Variants in RNGTT observed in about 807,000 individuals in gnomAD.
RNGTT encodes mRNA-capping enzyme.
RNGTT carries 33 observed loss-of-function variants against 79.3 expected under a neutral mutation model. The observed-to-expected ratio is 0.42, with a 90% CI of 0.32 to 0.56. RNGTT has a LOEUF of 0.56. Ranked by LOEUF, RNGTT falls within the 20% of genes least tolerant of loss-of-function variation. RNGTT has a pLI of 0.17. For missense variants in RNGTT, 497 were observed against 739.1 expected (o/e 0.67, Z 3.80); for synonymous variants, 222 against 235.9 (o/e 0.94, Z 0.54).
intron 14 of RNGTT, among the ~76,000 whole-genome samples, chr6:88,637,382 G>T (rs531276005): frequency 7.2e-5 from 11 of 152,154 alleles, no homozygotes; most frequent in South Asian, 2.1e-4. Flanking sequence ...TCATTCTGTT[G>T]TTCCAGTTCA....
intron 6 of RNGTT, among the ~76,000 whole-genome samples, chr6:88,892,682 T>C (rs77495437): frequency 0.019 from 2,817 of 152,176 alleles, 78 homozygotes; most frequent in African/African-American, 0.064. Flanking sequence ...GCTACAGTTC[T>C]TTTAAGGTCC....
intron 11 of RNGTT, among the ~76,000 whole-genome samples, chr6:88,806,968 T>C (rs1346372559): frequency 6.6e-6 from 1 of 152,154 alleles, no homozygotes; most frequent in African/African-American, 2.4e-5. Context: ...GAAGCCATTA[T>C]CCTCGGCAAA....
At chr6:88,718,355 C>A (rs1470355351) in intron 13 of RNGTT, among the ~76,000 whole-genome samples, 3 of 150,646 alleles carry the variant, frequency 2.0e-5, no homozygotes, top group Non-Finnish European at 4.4e-5. Flanking sequence ...CCACTGCACT[C>A]CGGCCTAGGC....
At chr6:88,785,371 C>T (rs1442558141) in intron 12 of RNGTT, among the ~76,000 whole-genome samples, 4 of 151,560 alleles carry the variant, frequency 2.6e-5, no homozygotes, top group African/African-American at 7.3e-5. Context: ...GTTTATTTTG[C>T]CAACAAAATT....
chr6:88,954,098 A>G (rs1172524805), intron 1 of RNGTT, among the ~76,000 whole-genome samples: 1 of 152,230 alleles, frequency 6.6e-6, no homozygotes, highest in Non-Finnish European at 1.5e-5. Flanking sequence ...TTAGGCAACA[A>G]CTAGCATTAT....
At chr6:88,751,856 A>G (rs1051205730) in intron 13 of RNGTT, among the ~76,000 whole-genome samples, 4 of 152,108 alleles carry the variant, frequency 2.6e-5, no homozygotes, top group Admixed American at 2.6e-4. Flanking sequence ...TAATAAAATC[A>G]AAATCAACCA....
intron 12 of RNGTT, among the ~76,000 whole-genome samples, chr6:88,778,376 G>T (rs1778958775): frequency 6.6e-6 from 1 of 151,902 alleles, no homozygotes; most frequent in Non-Finnish European, 1.5e-5. Flanking sequence ...ATTATGGAGG[G>T]TGGGGCCATA....
intron 13 of RNGTT, among the ~76,000 whole-genome samples, chr6:88,742,248 G>T (rs924837002): frequency 6.6e-6 from 1 of 152,170 alleles, no homozygotes; most frequent in African/African-American, 2.4e-5. Context: ...AGGAGGGAAG[G>T]TCAATAGCCC....
At chr6:88,938,829 T>C (rs1682258695) in intron 2 of RNGTT, among the ~76,000 whole-genome samples, 1 of 152,220 alleles carries the variant, frequency 6.6e-6, no homozygotes, top group Admixed American at 6.5e-5. Context: ...CCCTCAGCTT[T>C]TGCTTGTCTG....
chr6:88,925,046 T>G (rs1411126977), intron 4 of RNGTT, among the ~76,000 whole-genome samples: 2 of 152,006 alleles, frequency 1.3e-5, no homozygotes, highest in Non-Finnish European at 2.9e-5. Context: ...AAGACAAAAA[T>G]TTTTCTCTTT....
intron 12 of RNGTT, among the ~76,000 whole-genome samples, chr6:88,790,258 C>T (rs1779362803): frequency 6.6e-6 from 1 of 152,118 alleles, no homozygotes; most frequent in Non-Finnish European, 1.5e-5. Context: ...TAACAGGTAA[C>T]CTAGAAGGCT....
In RNGTT at chr6:88,708,749, AT is replaced by A. The variant is rs921671078; in HGVS notation, c.1440-30331del. Among the ~76,000 whole-genome samples the A allele has an allele frequency of 1.9e-3, 295 of 151,712 alleles. 4 individuals are homozygous for A. The highest frequency in any genetic ancestry group is 6.9e-3 in the African/African-American group (286 of 41,336). On this transcript the variant is annotated intron_variant, in intron 13 of 15. Transcript: ENST00000369485. ...GCCTTCTAAAAATGGCATTTATGCT[AT>A]TTTTTTTAATTTTTTAATTTTCCCT...
At chr6:88,825,448 A>G (rs1191992926) in intron 11 of RNGTT, among the ~76,000 whole-genome samples, 1 of 152,238 alleles carries the variant, frequency 6.6e-6, no homozygotes, top group African/African-American at 2.4e-5. Context: ...TAAGTTATCT[A>G]AAGAGATATT....
At chr6:88,835,975 A>AAAAC (rs1781054612) in intron 11 of RNGTT, among the ~76,000 whole-genome samples, 2 of 113,764 alleles carry the variant, frequency 1.8e-5, no homozygotes, top group Admixed American at 2.0e-4. Context: ...CTCTATTAAA[A>AAAAC]ACACACACAC....
intron 8 of RNGTT, among the ~76,000 whole-genome samples, chr6:88,859,764 A>T (rs10806399): frequency 0.22 from 33,362 of 152,120 alleles, 4,413 homozygotes; most frequent in Non-Finnish European, 0.29. Flanking sequence ...GTCCTTTGCT[A>T]TTGGAGGTGT....
At chr6:88,928,835 T>C (rs1784398299) in intron 4 of RNGTT, 150 bp downstream of exon 4, 1 of 569,816 alleles carries the variant, frequency 1.8e-6, no homozygotes, top group African/African-American at 1.9e-5. Context: ...TATTACATAA[T>C]TCACAAGTCA....
intron 11 of RNGTT, among the ~76,000 whole-genome samples, chr6:88,825,330 C>A (rs1780622777): frequency 6.6e-6 from 1 of 152,164 alleles, no homozygotes; most frequent in Non-Finnish European, 1.5e-5. Flanking sequence ...TAAAATTCTG[C>A]CTACCACATG....
intron 1 of RNGTT, among the ~76,000 whole-genome samples, chr6:88,949,689 A>G (rs550501805): frequency 1.3e-5 from 2 of 152,204 alleles, no homozygotes; most frequent in Non-Finnish European, 2.9e-5. Context: ...CTTCAATTCT[A>G]TGAAGGCTGA....
chr6:88,861,881 G>A (rs1050643827), intron 8 of RNGTT, among the ~76,000 whole-genome samples: 7 of 151,996 alleles, frequency 4.6e-5, no homozygotes, highest in African/African-American at 1.4e-4. Flanking sequence ...TACCAGTGTT[G>A]AAACAGTACA....
Sources: gnomAD v4.1 joint callset for allele counts (sites outside exome capture counted in the v4.1 genomes callset) on GRCh38, gnomAD v4.1.1 for gene constraint, MANE v1.5 for transcripts, NCBI Gene and HGNC (gene_info 2026-07-23, HGNC 2026-07-21) for gene names.